VTI1A: variants seen among roughly 807,000 people sequenced by gnomAD.
VTI1A encodes the protein vesicle transport through interaction with t-SNAREs 1A, also known as vesicle transport through interaction with t-SNAREs homolog 1A.
A neutral mutation model predicts 34.9 loss-of-function variants in VTI1A; 22 were observed. The ratio of observed to expected loss-of-function variants is 0.63; its 90% CI spans 0.45 to 0.90. The LOEUF is 0.90. Ranked by LOEUF, VTI1A falls within the 40% of genes least tolerant of loss-of-function variation. The pLI is 0.00. For missense variants in VTI1A, 268 were observed against 275.6 expected (o/e 0.97, Z 0.20); for synonymous variants, 87 against 97.3 (o/e 0.89, Z 0.62).
intron 3 of VTI1A, among the ~76,000 whole-genome samples, chr10:112,491,757 A>G (rs745334862): frequency 2.8e-4 from 43 of 152,148 alleles, no homozygotes; most frequent in Non-Finnish European, 4.9e-4. Flanking sequence ...CCATATTTCA[A>G]GGGCTCAGTC....
chr10:112,777,782 T>G (rs1228058301), intron 7 of VTI1A, among the ~76,000 whole-genome samples: 1 of 152,186 alleles, frequency 6.6e-6, no homozygotes, highest in Non-Finnish European at 1.5e-5. Flanking sequence ...TTTTGTCATT[T>G]AACTTTCACA....
intron 7 of VTI1A, among the ~76,000 whole-genome samples, chr10:112,697,712 T>A (rs889746379): frequency 5.9e-5 from 9 of 152,210 alleles, no homozygotes; most frequent in East Asian, 3.9e-4. Context: ...TTGGTATTTT[T>A]AAAAAGAATA....
chr10:112,648,238 C>T (rs1033126929), intron 5 of VTI1A, among the ~76,000 whole-genome samples: 12 of 152,202 alleles, frequency 7.9e-5, no homozygotes, highest in African/African-American at 2.9e-4. Context: ...TCAGCTTAAA[C>T]CTATCCATTC....
At chr10:112,621,876 C>T (rs1359307134) in intron 5 of VTI1A, among the ~76,000 whole-genome samples, 3 of 152,218 alleles carry the variant, frequency 2.0e-5, no homozygotes, top group African/African-American at 7.2e-5. Flanking sequence ...ACGCTATACG[C>T]TCCTTATATG....
intron 5 of VTI1A, among the ~76,000 whole-genome samples, chr10:112,576,998 A>G (rs1054051179): frequency 6.6e-6 from 1 of 152,234 alleles, no homozygotes; most frequent in Non-Finnish European, 1.5e-5. Flanking sequence ...TTGATTTTAT[A>G]ATCCGTCTAT....
chr10:112,451,079 C>G (rs1847218252), intron 1 of VTI1A, among the ~76,000 whole-genome samples: 1 of 152,134 alleles, frequency 6.6e-6, no homozygotes, highest in Admixed American at 6.5e-5. Context: ...TTATGGCTGT[C>G]CTCAGAATTG....
At chr10:112,792,663 A>G (rs961066366) in intron 7 of VTI1A, among the ~76,000 whole-genome samples, 1 of 152,258 alleles carries the variant, frequency 6.6e-6, no homozygotes, top group Non-Finnish European at 1.5e-5. Context: ...AGATACGGCA[A>G]TGATACTACT....
At chr10:112,839,188 TC>T in the VTI1A span, among the ~76,000 whole-genome samples, 1 of 152,180 alleles carries the variant, frequency 6.6e-6, no homozygotes, top group Non-Finnish European at 1.5e-5. Flanking sequence ...ACAGGGTATT[TC>T]CTGAGCCCTG....
chr10:112,496,493 C>T (rs974890999), intron 3 of VTI1A, among the ~76,000 whole-genome samples: 8 of 152,136 alleles, frequency 5.3e-5, no homozygotes, highest in Non-Finnish European at 1.0e-4. Flanking sequence ...ATCGCTTGAA[C>T]CTGGGAGGCA....
chr10:112,670,592 C>T (rs1590050907), intron 7 of VTI1A, among the ~76,000 whole-genome samples: 1 of 152,138 alleles, frequency 6.6e-6, no homozygotes. Context: ...AAAGCATCTT[C>T]TCATATTGTG....
rs138257983 is a variant in VTI1A at position 112,488,448 on chromosome 10, CCT to C, written c.264+23794_264+23795del. Among the ~76,000 whole-genome samples the C allele has an allele frequency of 0.011, 1,675 of 152,222 alleles. 62 individuals are homozygous for C. In the East Asian group the frequency reaches 0.12, roughly 11 times the overall value. On this transcript the variant is annotated intron_variant, in intron 3 of 7. Transcript: ENST00000393077. ...AGCTTTCCTAAGTCTGACTAAAATG[CCT>C]CTGTTATTCTTGGTTAAGATAGAGG...
At chr10:112,622,806 T>G (rs1218114959) in intron 5 of VTI1A, among the ~76,000 whole-genome samples, 1 of 152,214 alleles carries the variant, frequency 6.6e-6, no homozygotes, top group Non-Finnish European at 1.5e-5. Flanking sequence ...GGAAGTAGAT[T>G]GGTAGAAAGT....
At chr10:112,789,664 T>C (rs144018629) in intron 7 of VTI1A, among the ~76,000 whole-genome samples, 142 of 152,304 alleles carry the variant, frequency 9.3e-4, no homozygotes, top group African/African-American at 3.4e-3. Context: ...TTTAGACAGA[T>C]TTTCGAGTTC....
chr10:112,622,830 A>G (rs1340236774), intron 5 of VTI1A, among the ~76,000 whole-genome samples: 1 of 152,240 alleles, frequency 6.6e-6, no homozygotes, highest in African/African-American at 2.4e-5. Flanking sequence ...AGCTATGTAA[A>G]TAAGAATAGG....
At chr10:112,634,989 A>T (rs553094543) in intron 5 of VTI1A, among the ~76,000 whole-genome samples, 2 of 152,350 alleles carry the variant, frequency 1.3e-5, no homozygotes, top group South Asian at 4.1e-4. Flanking sequence ...CTGTTAAAAT[A>T]GGCAGACAGA....
At chr10:112,678,058 T>G (rs1848092225) in intron 7 of VTI1A, among the ~76,000 whole-genome samples, 1 of 152,226 alleles carries the variant, frequency 6.6e-6, no homozygotes, top group Admixed American at 6.5e-5. Context: ...TCTATTGCAC[T>G]TTGGCTACAT....
chr10:112,708,808 G>T (rs1849291962), intron 7 of VTI1A, among the ~76,000 whole-genome samples: 1 of 152,236 alleles, frequency 6.6e-6, no homozygotes, highest in African/African-American at 2.4e-5. Context: ...CATCCATTTT[G>T]TGTAGCCTTT....
chr10:112,451,735 A>T (rs1000966286), intron 1 of VTI1A, among the ~76,000 whole-genome samples: 2 of 151,950 alleles, frequency 1.3e-5, no homozygotes, highest in East Asian at 3.9e-4. Context: ...AGGCATAAAC[A>T]TACTTCTGTG....
intron 7 of VTI1A, among the ~76,000 whole-genome samples, chr10:112,682,037 C>T (rs913577659): frequency 6.6e-6 from 1 of 152,264 alleles, no homozygotes; most frequent in Non-Finnish European, 1.5e-5. Context: ...TGATCTGAAG[C>T]CATAGCTTTT....
Sources: gnomAD v4.1 joint callset for allele counts (sites outside exome capture counted in the v4.1 genomes callset) on GRCh38, gnomAD v4.1.1 for gene constraint, MANE v1.5 for transcripts, NCBI Gene and HGNC (gene_info 2026-07-23, HGNC 2026-07-21) for gene names.